Variants in CAMTA1 observed in about 807,000 individuals in gnomAD.
The protein encoded by CAMTA1 is calmodulin binding transcription activator 1.
In CAMTA1, 27 loss-of-function variants were observed where a neutral mutation model predicts 170.9. The observed-to-expected ratio is 0.16, with a 90% CI of 0.12 to 0.22. CAMTA1 has a LOEUF of 0.22. Ranked by LOEUF, CAMTA1 falls within the 10% of genes least tolerant of loss-of-function variation. The pLI, the probability that CAMTA1 is intolerant of heterozygous loss-of-function variation, is 1.00. For missense variants in CAMTA1, 1,619 were observed against 2,217.2 expected (o/e 0.73, Z 5.42); for synonymous variants, 833 against 891.5 (o/e 0.93, Z 1.17).
intron 11 of CAMTA1, among the ~76,000 whole-genome samples, chr1:7,715,084 C>G (rs913475170): frequency 5.3e-5 from 8 of 152,170 alleles, no homozygotes; most frequent in African/African-American, 7.2e-5. Flanking sequence ...TTTGCCTGAT[C>G]TGCTATTAAT....
chr1:7,045,818 G>A (rs1705292589), intron 3 of CAMTA1, among the ~76,000 whole-genome samples: 2 of 152,198 alleles, frequency 1.3e-5, no homozygotes, highest in Admixed American at 6.5e-5. Context: ...ATCCTTCCTC[G>A]ATACTAGTTC....
At position 7,426,363 on chromosome 1, in the gene CAMTA1, C is replaced by T. The variant is rs2091875471; in HGVS notation, c.439-41467C>T. The stretch of plus-strand genomic sequence containing the variant: ...CAGCAAGGGCAGGTGGTGTCAACTC[C>T]CATCCTGGCATCGGATATAGGACCA... On this transcript the variant is annotated intron_variant, in intron 5 of 22. Coordinates refer to ENST00000303635, the MANE Select transcript of CAMTA1 (RefSeq NM_015215.4). The surrounding 1 kb of genome is among the most constrained non-coding windows in gnomAD (Gnocchi z 4.8). Among the ~76,000 whole-genome samples, 1 of 152,144 alleles carries T rather than the reference C, an allele frequency of 6.6e-6. No homozygotes were observed. The highest frequency in any genetic ancestry group is 6.5e-5 in the Admixed American group (1 of 15,280).
intron 1 of CAMTA1, among the ~76,000 whole-genome samples, chr1:6,801,843 G>T (rs1383796906): frequency 6.6e-6 from 1 of 151,686 alleles, no homozygotes; most frequent in Non-Finnish European, 1.5e-5. Flanking sequence ...TGGTAATCAG[G>T]CCCTGAGGTT....
At chr1:6,983,802 T>G (rs1335001413) in intron 3 of CAMTA1, among the ~76,000 whole-genome samples, 1 of 132,260 alleles carries the variant, frequency 7.6e-6, no homozygotes, top group East Asian at 2.4e-4. Flanking sequence ...AGATGGTTGA[T>G]GGATGGATGG....
At chr1:7,577,228 A>G (rs1271330317) in intron 6 of CAMTA1, among the ~76,000 whole-genome samples, 1 of 152,178 alleles carries the variant, frequency 6.6e-6, no homozygotes, top group African/African-American at 2.4e-5. Flanking sequence ...CTGTTTGGCT[A>G]GGACTGTGGC....
intron 6 of CAMTA1, among the ~76,000 whole-genome samples, chr1:7,520,074 T>A (rs1159794363): frequency 6.7e-6 from 1 of 149,312 alleles, no homozygotes. Flanking sequence ...GAGCTCTCTT[T>A]GTGGACTCCC....
intron 5 of CAMTA1, among the ~76,000 whole-genome samples, chr1:7,361,239 C>G (rs1483561167): frequency 6.6e-6 from 1 of 152,220 alleles, no homozygotes; most frequent in Non-Finnish European, 1.5e-5. Flanking sequence ...TCTCTCTGAA[C>G]ATTCATTGAG....
Position 7,007,653 on chromosome 1 carries a change from G to A in CAMTA1, c.235-83651G>A, listed in dbSNP as rs1251518329. On this transcript the variant is annotated intron_variant, in intron 3 of 22. Transcript: ENST00000303635. This position sits in a 1 kb window ranked among gnomAD's most constrained non-coding sequence, Gnocchi z 4.5. ...GACCCAGACTGCCGAGGGGTGGCCG[G>A]GCCCTGTCAGTGCTGCGGAGGTGAG... 2.6e-5 allele frequency among the ~76,000 whole-genome samples: 4 copies of A among 152,090 alleles called. No individual in the cohort carries two copies. Among genetic ancestry groups the A allele is most frequent in the African/African-American group, 7.2e-5 (3 of 41,412 alleles).
At position 7,482,918 on chromosome 1, in the gene CAMTA1, T is replaced by A. The variant is rs1426491901; in HGVS notation, c.510+15017T>A. ...TGTCAACACCTCCTCTCAGTCAGAG[T>A]GATGTGAGCTGTAAATGTGCCCAGG... On this transcript the variant is annotated intron_variant, in intron 6 of 22. Transcript: ENST00000303635. This position sits in a 1 kb window ranked among gnomAD's most constrained non-coding sequence, Gnocchi z 4.2. 6.6e-6 allele frequency among the ~76,000 whole-genome samples: 1 copy of A among 151,720 alleles called. No homozygotes were observed. Among genetic ancestry groups the A allele is most frequent in the Non-Finnish European group, 1.5e-5 (1 of 67,890 alleles).
intron 4 of CAMTA1, among the ~76,000 whole-genome samples, chr1:7,096,755 C>T (rs930956383): frequency 6.6e-6 from 1 of 152,188 alleles, no homozygotes; most frequent in African/African-American, 2.4e-5. Flanking sequence ...ATTGAAATAT[C>T]TCCTACTAGG....
At chr1:7,523,916 T>C (rs1011389322) in intron 6 of CAMTA1, among the ~76,000 whole-genome samples, 1 of 145,360 alleles carries the variant, frequency 6.9e-6, no homozygotes, top group Non-Finnish European at 1.5e-5. Context: ...TAATTTCATT[T>C]TCTTGGCCGG....
intron 10 of CAMTA1, among the ~76,000 whole-genome samples, chr1:7,676,505 C>T (rs963884863): frequency 1.3e-5 from 2 of 152,236 alleles, no homozygotes; most frequent in African/African-American, 2.4e-5. Flanking sequence ...CATCAGAGTC[C>T]TCGGAGGAAA....
chr1:7,364,125 A>T (rs527983327), intron 5 of CAMTA1, among the ~76,000 whole-genome samples: 1 of 152,290 alleles, frequency 6.6e-6, no homozygotes, highest in Non-Finnish European at 1.5e-5. Flanking sequence ...GCCTCACAGG[A>T]TGACTCTAGA....
At chr1:6,919,631 C>T (rs1406738825) in intron 3 of CAMTA1, among the ~76,000 whole-genome samples, 2 of 152,140 alleles carry the variant, frequency 1.3e-5, no homozygotes, top group Admixed American at 1.3e-4. Context: ...TCTGTTTTCA[C>T]ACTGCTGATA....
chr1:7,475,470 G>T (rs886635525), intron 6 of CAMTA1, among the ~76,000 whole-genome samples: 9 of 152,212 alleles, frequency 5.9e-5, no homozygotes, highest in Non-Finnish European at 1.3e-4. Flanking sequence ...CCACATCTGG[G>T]CTCAGCAGGG....
chr1:6,941,880 C>T (rs928035508), intron 3 of CAMTA1, among the ~76,000 whole-genome samples: 16 of 152,132 alleles, frequency 1.1e-4, no homozygotes, highest in Non-Finnish European at 1.6e-4. Flanking sequence ...TCCATGACTG[C>T]GGAAGGAGAG....
At chr1:7,058,895 A>ACACACT (rs1553232551) in intron 3 of CAMTA1, among the ~76,000 whole-genome samples, 2 of 151,176 alleles carry the variant, frequency 1.3e-5, no homozygotes, top group Non-Finnish European at 3.0e-5. Flanking sequence ...ACACACACAC[A>ACACACT]CTCTCTCTCT....
intron 3 of CAMTA1, among the ~76,000 whole-genome samples, chr1:6,991,591 T>C (rs1422187507): frequency 6.6e-6 from 1 of 152,256 alleles, no homozygotes; most frequent in Non-Finnish European, 1.5e-5. Context: ...TGGGGGCTTG[T>C]AGTTTATATA....
At chr1:7,080,640 T>C (rs1460626119) in intron 3 of CAMTA1, among the ~76,000 whole-genome samples, 1 of 152,158 alleles carries the variant, frequency 6.6e-6, no homozygotes, top group Admixed American at 6.5e-5. Flanking sequence ...GTTCAAGCGA[T>C]TCTCCTGCCT....
Sources: allele counts gnomAD v4.1 joint callset (sites outside exome capture counted in the v4.1 genomes callset), GRCh38; gene constraint gnomAD v4.1.1; non-coding constraint Gnocchi (gnomAD v3.1); transcripts MANE v1.5; gene names NCBI Gene and HGNC (gene_info 2026-07-23, HGNC 2026-07-21).